Variants in OARD1 observed in about 807,000 individuals in gnomAD.
OARD1 encodes the protein ADP-ribose glycohydrolase OARD1.
In OARD1, 19 loss-of-function variants were observed where a neutral mutation model predicts 19.7. The observed-to-expected ratio is 0.96, with a 90% CI of 0.67 to 1.41. OARD1 has a LOEUF of 1.41. Ranked by LOEUF, OARD1 falls within the 40% of genes most tolerant of loss-of-function variation. The pLI is 0.00. For synonymous variants in OARD1, 70 were observed against 61.8 expected (o/e 1.13, Z -0.62); for missense variants, 190 against 183.8 (o/e 1.03, Z -0.20).
intron 1 of OARD1, chr6:41,080,971 A>G: frequency 2.4e-6 from 3 of 1,226,170 alleles, no homozygotes; most frequent in Non-Finnish European, 3.6e-6. Context: ...TGTTTGTGTT[A>G]GGATCTCCAG....
Position 41,064,975 on chromosome 6 carries a change from G to A in OARD1, c.*2360C>T, listed in dbSNP as rs1028962082. 4 of 151,568 alleles carry A rather than the reference G, an allele frequency of 2.6e-5. No homozygotes were observed. Among genetic ancestry groups the A allele is most frequent in the African/African-American group, 9.7e-5 (4 of 41,168 alleles). 9.4% of individuals were successfully genotyped at this position (151,568 alleles called of 1,614,324 possible). A position where few individuals can be genotyped will look rare whatever the true frequency, so the allele number is the denominator to read the frequency against. On this transcript the variant is annotated 3_prime_UTR_variant, in exon 6 of 6. Transcript: ENST00000424266. ...AGCAAAAATTCACAGGTGAATTTCCGGGTGTTTGCCAAACTCTAACTAGGT... is the reference window on the plus strand; with the variant it reads ...AGCAAAAATTCACAGGTGAATTTCCAGGTGTTTGCCAAACTCTAACTAGGT...
At chr6:41,089,628 T>C in intron 1 of OARD1, 1 of 1,612,728 alleles carries the variant, frequency 6.2e-7, no homozygotes, top group Non-Finnish European at 8.5e-7. Context: ...GGACAGGCTG[T>C]GCAGGTGCAG....
At chr6:41,079,982 G>A (rs1482269779) in intron 1 of OARD1, among the ~76,000 whole-genome samples, 3 of 152,170 alleles carry the variant, frequency 2.0e-5, no homozygotes, top group Non-Finnish European at 2.9e-5. Context: ...GGCTCTGGCA[G>A]TTTCCTTCAA....
At chr6:41,094,331 G>T in intron 1 of OARD1, 1 of 1,339,544 alleles carries the variant, frequency 7.5e-7, no homozygotes, top group Non-Finnish European at 1.1e-6. Flanking sequence ...TGGAATTTGT[G>T]CACTAGATAA....
chr6:41,071,720 T>C, intron 1 of OARD1, 45 bp from the exon 2 acceptor site: 1 of 1,109,668 alleles, frequency 9.0e-7, no homozygotes, highest in Non-Finnish European at 1.4e-6. Context: ...GCAGCCTTAG[T>C]ATATAATATT....
intron 1 of OARD1, among the ~76,000 whole-genome samples, chr6:41,088,481 C>G (rs1764109299): frequency 6.6e-6 from 1 of 151,272 alleles, no homozygotes; most frequent in Non-Finnish European, 1.5e-5. Context: ...GGAATCCTGA[C>G]ACAGCTGTGT....
intron 1 of OARD1, among the ~76,000 whole-genome samples, chr6:41,093,380 C>G (rs1199336499): frequency 2.0e-5 from 3 of 152,152 alleles, no homozygotes; most frequent in African/African-American, 7.2e-5. Context: ...ACCTGTTTCA[C>G]TGCTTTAATA....
chr6:41,097,287 A>G lies in OARD1; in HGVS notation c.-42+426T>C, dbSNP rs532216568. The G allele has an allele frequency of 2.2e-6, 3 of 1,380,036 alleles. No homozygotes were observed. In the East Asian group the frequency reaches 6.9e-5, roughly 32 times the overall value. The allele number at this position is 1,380,036 out of a possible 1,614,324, so 85.5% of individuals were successfully genotyped here. A position where few individuals can be genotyped will look rare whatever the true frequency, so the allele number is the denominator to read the frequency against. The stretch of plus-strand genomic sequence containing the variant: ...TTATGTGTATTCTCTTGGGGGGATA[A>G]GTAGTGAGAGCCATGAGTTCCTGTT... On this transcript the variant is annotated intron_variant, in intron 1 of 4. Transcript: ENST00000480585.
chr6:41,069,299 G>C (rs1028127314), intron 4 of OARD1: 3 of 163,180 alleles, frequency 1.8e-5, no homozygotes, highest in Non-Finnish European at 4.0e-5. Context: ...TCTCTAACAG[G>C]GAAGAAAGCA....
chr6:41,085,196 G>A (rs1312737686), intron 1 of OARD1, among the ~76,000 whole-genome samples: 2 of 152,206 alleles, frequency 1.3e-5, no homozygotes, highest in African/African-American at 4.8e-5. Context: ...GAATATTTGA[G>A]CTAGCAGTCC....
chr6:41,087,723 A>G (rs1229688272), intron 1 of OARD1, among the ~76,000 whole-genome samples: 1 of 152,196 alleles, frequency 6.6e-6, no homozygotes, highest in African/African-American at 2.4e-5. Context: ...ACTTAAAAAA[A>G]AAAGTGTTCA....
chr6:41,073,069 G>C (rs1297812312), upstream of OARD1: 7 of 153,790 alleles, frequency 4.6e-5, no homozygotes. Flanking sequence ...GCAGCGAACC[G>C]GGGGAGCGAG....
chr6:41,079,036 C>G, intron 1 of OARD1: 1 of 1,547,964 alleles, frequency 6.5e-7, no homozygotes, highest in Non-Finnish European at 8.9e-7. Context: ...CAGGAGTGTA[C>G]CTCACAGCCT....
intron 2 of OARD1, 152 bp from the exon 3 acceptor site, chr6:41,071,428 A>C: frequency 2.0e-6 from 2 of 991,274 alleles, no homozygotes; most frequent in Non-Finnish European, 3.0e-6. Flanking sequence ...CATGTGTAAA[A>C]GGAAAGTAAT....
intron 1 of OARD1, chr6:41,094,482 T>C (rs773276999): frequency 1.9e-6 from 3 of 1,613,904 alleles, no homozygotes; most frequent in Non-Finnish European, 1.7e-6. Flanking sequence ...AGGAAAAGGA[T>C]AGTCCCCATA....
At chr6:41,067,851 A>G (rs529356270) in intron 5 of OARD1, among the ~76,000 whole-genome samples, 1 of 152,328 alleles carries the variant, frequency 6.6e-6, no homozygotes, top group South Asian at 2.1e-4. Flanking sequence ...AATGAGGTAC[A>G]GGATCTGCAA....
At chr6:41,079,709 G>T (rs188716169) in intron 1 of OARD1, among the ~76,000 whole-genome samples, 2 of 151,930 alleles carry the variant, frequency 1.3e-5, no homozygotes, top group Non-Finnish European at 2.9e-5. Flanking sequence ...TTATACACAG[G>T]TTACATTTTC....
At chr6:41,069,066 A>G (rs914415838) in intron 4 of OARD1, 113 bp from the exon 5 acceptor site, 6 of 587,868 alleles carry the variant, frequency 1.0e-5, no homozygotes, top group Non-Finnish European at 1.5e-5. Flanking sequence ...TTATAGAATT[A>G]GTCTAGAGCA....
At chr6:41,079,072 A>G in intron 1 of OARD1, 1 of 1,612,740 alleles carries the variant, frequency 6.2e-7, no homozygotes, top group Non-Finnish European at 8.5e-7. Context: ...GTGGACAGGA[A>G]TCTCACTTGG....
Sources: gnomAD v4.1 joint callset for allele counts (sites outside exome capture counted in the v4.1 genomes callset) on GRCh38, gnomAD v4.1.1 for gene constraint, MANE v1.5 for transcripts, NCBI Gene and HGNC (gene_info 2026-07-23, HGNC 2026-07-21) for gene names.